The following RABGAP1L variants were observed in gnomAD, a reference collection of about 807,000 sequenced individuals.
The protein encoded by RABGAP1L is RAB GTPase activating protein 1 like.
Under a neutral mutation model 137.7 loss-of-function variants are expected in RABGAP1L, and 63 were observed. The observed-to-expected ratio is 0.46, with a 90% CI of 0.37 to 0.56. The LOEUF (loss-of-function observed/expected upper bound fraction) is 0.56, where lower values mean the gene tolerates loss of function less well. Among genes scored for constraint, RABGAP1L ranks in the 20% least tolerant of loss-of-function variants. RABGAP1L has a pLI of 0.00. For synonymous variants in RABGAP1L, 431 were observed against 433.7 expected (o/e 0.99, Z 0.08); for missense variants, 1,095 against 1,244.0 (o/e 0.88, Z 1.80).
intron 13 of RABGAP1L, among the ~76,000 whole-genome samples, chr1:174,605,390 C>G (rs1670712617): frequency 6.6e-6 from 1 of 152,178 alleles, no homozygotes; most frequent in African/African-American, 2.4e-5. Context: ...TCTCAAACAC[C>G]TGTTGCCATG....
chr1:174,182,890 T>G (rs1354521303), intron 1 of RABGAP1L, among the ~76,000 whole-genome samples: 1 of 152,076 alleles, frequency 6.6e-6, no homozygotes, highest in Non-Finnish European at 1.5e-5. Flanking sequence ...TCTTAAGACA[T>G]TTTTTTCCCA....
At chr1:174,948,709 G>A (rs921149173) in intron 19 of RABGAP1L, 5 of 151,934 alleles carry the variant, frequency 3.3e-5, no homozygotes, top group African/African-American at 1.2e-4. Flanking sequence ...AAAGATAAAG[G>A]TGACTGATCA....
intron 22 of RABGAP1L, among the ~76,000 whole-genome samples, chr1:174,978,312 C>G (rs969581955): frequency 1.3e-5 from 2 of 152,162 alleles, no homozygotes; most frequent in African/African-American, 4.8e-5. Context: ...TCTCAAAACT[C>G]TTATCTTCCC....
chr1:174,730,279 A>G (rs1217007099), intron 17 of RABGAP1L, among the ~76,000 whole-genome samples: 2 of 152,182 alleles, frequency 1.3e-5, no homozygotes, highest in African/African-American at 2.4e-5. Flanking sequence ...AAAGATAGCA[A>G]CAATAGACAC....
chr1:174,902,951 C>G (rs1416759409), intron 19 of RABGAP1L, among the ~76,000 whole-genome samples: 1 of 152,188 alleles, frequency 6.6e-6, no homozygotes, highest in Non-Finnish European at 1.5e-5. Flanking sequence ...GGATTGATCT[C>G]TGAAGCTAAT....
chr1:174,386,177 G>T (rs1558190271), intron 12 of RABGAP1L, among the ~76,000 whole-genome samples: 1 of 152,182 alleles, frequency 6.6e-6, no homozygotes, highest in Non-Finnish European at 1.5e-5. Flanking sequence ...GGTAATAACT[G>T]ACAGTTCAGT....
At chr1:174,373,760 C>T (rs921257835) in intron 12 of RABGAP1L, among the ~76,000 whole-genome samples, 10 of 152,176 alleles carry the variant, frequency 6.6e-5, no homozygotes, top group African/African-American at 2.4e-4. Context: ...TCCAACTGTA[C>T]ATCACTATTA....
At chr1:174,896,341 C>T (rs1048397233) in intron 19 of RABGAP1L, among the ~76,000 whole-genome samples, 1 of 151,990 alleles carries the variant, frequency 6.6e-6, no homozygotes, top group African/African-American at 2.4e-5. Context: ...GGATATTAGT[C>T]CTTTGTCAGA....
intron 3 of RABGAP1L, among the ~76,000 whole-genome samples, chr1:174,228,542 G>A (rs1441479089): frequency 1.3e-5 from 2 of 152,012 alleles, no homozygotes; most frequent in Non-Finnish European, 1.5e-5. Context: ...ATATTAAAAT[G>A]TATTTGTAGT....
At chr1:174,807,581 T>A (rs1351187950) in intron 18 of RABGAP1L, among the ~76,000 whole-genome samples, 2 of 152,200 alleles carry the variant, frequency 1.3e-5, no homozygotes, top group African/African-American at 2.4e-5. Context: ...TTAATGATTA[T>A]GGAAGTCTCT....
intron 19 of RABGAP1L, among the ~76,000 whole-genome samples, chr1:174,895,566 A>G (rs1158119416): frequency 6.6e-6 from 1 of 152,032 alleles, no homozygotes; most frequent in East Asian, 1.9e-4. Context: ...TACATTAGGT[A>G]TATCTCCTAA....
chr1:174,833,734 A>G (rs375718272), intron 19 of RABGAP1L, among the ~76,000 whole-genome samples: 5 of 151,850 alleles, frequency 3.3e-5, no homozygotes, highest in African/African-American at 9.7e-5. Context: ...AAATATTCCT[A>G]TCCTCCTGAA....
intron 20 of RABGAP1L, chr1:174,958,074 C>G: frequency 6.6e-7 from 1 of 1,520,774 alleles, no homozygotes; most frequent in Non-Finnish European, 8.8e-7. Flanking sequence ...AGCAGGTGAA[C>G]TGTTCCAAGA....
chr1:174,313,141 A>T (rs1679022062), intron 11 of RABGAP1L, among the ~76,000 whole-genome samples: 1 of 152,040 alleles, frequency 6.6e-6, no homozygotes, highest in East Asian at 1.9e-4. Context: ...GCTAGGCAGG[A>T]TGGTCTTGAT....
intron 13 of RABGAP1L, among the ~76,000 whole-genome samples, chr1:174,445,679 A>T (rs1178722447): frequency 6.6e-6 from 1 of 152,184 alleles, no homozygotes; most frequent in Non-Finnish European, 1.5e-5. Flanking sequence ...GTTCATGAAG[A>T]CTTGGCAAAT....
Position 174,433,282 on chromosome 1 carries a change from T to C in RABGAP1L, c.1710+39137T>C, listed in dbSNP as rs140816898. Among the ~76,000 whole-genome samples, 4 of 152,312 alleles carry C rather than the reference T, an allele frequency of 2.6e-5. No individual in the cohort carries two copies. The East Asian group carries it at 7.7e-4, about 29-fold the overall frequency. ...GTCTTCAAACTTAATAAATGTTTAT[T>C]AAAGGTAATAACATACCTAGAGGAA... On this transcript the variant is annotated intron_variant, in intron 13 of 25. Coordinates refer to ENST00000681986, the MANE Select transcript of RABGAP1L (RefSeq NM_001366446.1).
intron 13 of RABGAP1L, among the ~76,000 whole-genome samples, chr1:174,527,204 G>GTTTTTTT (rs57011947): frequency 8.4e-6 from 1 of 119,648 alleles, no homozygotes; most frequent in Non-Finnish European, 1.7e-5. Context: ...TTTTTATTTT[G>GTTTTTTT]TTTTTTTTTT....
intron 19 of RABGAP1L, among the ~76,000 whole-genome samples, chr1:174,948,172 G>A (rs559913991): frequency 2.6e-5 from 4 of 152,050 alleles, no homozygotes; most frequent in East Asian, 1.9e-4. Context: ...GTATGATAGC[G>A]CAGCAGGATG....
At position 174,660,351 on chromosome 1, in the gene RABGAP1L, G is replaced by T. The variant is rs148638952; in HGVS notation, c.1824+22863G>T. Among the ~76,000 whole-genome samples, 4 of 152,252 alleles carry T rather than the reference G, an allele frequency of 2.6e-5. No homozygotes were observed. In the East Asian group the frequency reaches 7.7e-4, roughly 29 times the overall value. Reference sequence around the variant, plus strand: ...GTTCTTCATGTAAGAAACTATTCCAGGCCCAAGGCATATTCTTTTGCAACC... The same window carrying T: ...GTTCTTCATGTAAGAAACTATTCCATGCCCAAGGCATATTCTTTTGCAACC... On this transcript the variant is annotated intron_variant, in intron 14 of 25. Transcript: ENST00000681986.
Sources: gnomAD v4.1 joint callset for allele counts (sites outside exome capture counted in the v4.1 genomes callset) on GRCh38, gnomAD v4.1.1 for gene constraint, MANE v1.5 for transcripts, NCBI Gene and HGNC (gene_info 2026-07-23, HGNC 2026-07-21) for gene names.